The following PRKCE variants were observed in gnomAD, a reference collection of about 807,000 sequenced individuals.
The protein encoded by PRKCE is protein kinase C epsilon type.
PRKCE carries 16 observed loss-of-function variants against 85.4 expected under a neutral mutation model. The observed-to-expected ratio is 0.19, with a 90% CI of 0.13 to 0.28. The LOEUF (loss-of-function observed/expected upper bound fraction) is 0.28, where lower values mean the gene tolerates loss of function less well. Ranked by LOEUF, PRKCE falls within the 10% of genes least tolerant of loss-of-function variation. The pLI, the probability that PRKCE is intolerant of heterozygous loss-of-function variation, is 1.00. For synonymous variants in PRKCE, 388 were observed against 371.5 expected (o/e 1.04, Z -0.51); for missense variants, 573 against 975.2 (o/e 0.59, Z 5.49).
At chr2:45,835,507 C>T (rs1690784660) in intron 1 of PRKCE, among the ~76,000 whole-genome samples, 1 of 151,770 alleles carries the variant, frequency 6.6e-6, no homozygotes, top group Admixed American at 6.6e-5. Context: ...TCTAGAACAT[C>T]GTAGAAGTGG....
chr2:46,083,569 G>A (rs796790330), intron 10 of PRKCE, among the ~76,000 whole-genome samples: 8 of 152,300 alleles, frequency 5.3e-5, no homozygotes, highest in African/African-American at 1.9e-4. Flanking sequence ...AGGTGGTGTG[G>A]TTCAGTGTTC....
In PRKCE at chr2:45,971,825, A is replaced by T. The variant is rs376739938; in HGVS notation, c.413-4604A>T. Among the ~76,000 whole-genome samples the T allele has an allele frequency of 9.5e-4, 144 of 152,328 alleles. 2 individuals are homozygous for T. The highest frequency in any genetic ancestry group is 3.2e-3 in the African/African-American group (134 of 41,584). On this transcript the variant is annotated intron_variant, in intron 2 of 14. Coordinates refer to ENST00000306156, the MANE Select transcript of PRKCE (RefSeq NM_005400.3). ...TTGTGTTTTCTTTTGTGTGTATGTG[A>T]TGAATACACCATATATTTTTTTAAC...
chr2:45,817,933 C>T (rs1225015495), intron 1 of PRKCE, among the ~76,000 whole-genome samples: 1 of 152,204 alleles, frequency 6.6e-6, no homozygotes, highest in Non-Finnish European at 1.5e-5. Flanking sequence ...GCCGAGTTTC[C>T]TCCAGCTTCA....
intron 1 of PRKCE, among the ~76,000 whole-genome samples, chr2:45,805,013 A>C (rs1688139351): frequency 6.6e-6 from 1 of 151,888 alleles, no homozygotes; most frequent in African/African-American, 2.4e-5. Flanking sequence ...TGTTCTAGAA[A>C]ACCTTTCTAG....
At chr2:46,015,740 A>T (rs1282884732) in intron 10 of PRKCE, among the ~76,000 whole-genome samples, 2 of 149,840 alleles carry the variant, frequency 1.3e-5, no homozygotes, top group African/African-American at 4.9e-5. Flanking sequence ...CCATTGGTAG[A>T]TTTTGTTCTA....
chr2:45,872,212 T>C lies in PRKCE; in HGVS notation c.412+29149T>C, dbSNP rs368347209. ...TTAGGGGAACAGGGAGCCCTTTGCG[T>C]AACTCTGGAAGGAAACAAAGTCAGC... On this transcript the variant is annotated intron_variant, in intron 2 of 14. Coordinates refer to ENST00000306156, the MANE Select transcript of PRKCE (RefSeq NM_005400.3). Among the ~76,000 whole-genome samples the C allele has an allele frequency of 3.0e-4, 46 of 152,178 alleles. 1 individual carries two copies. The South Asian group carries it at 8.5e-3, about 28-fold the overall frequency.
At chr2:45,900,298 G>C (rs576020910) in intron 2 of PRKCE, among the ~76,000 whole-genome samples, 12 of 152,326 alleles carry the variant, frequency 7.9e-5, no homozygotes, top group Non-Finnish European at 1.8e-4. Flanking sequence ...GAACTGATCA[G>C]ATGGATATTT....
chr2:46,021,871 T>C (rs959818514), intron 10 of PRKCE, among the ~76,000 whole-genome samples: 5 of 152,156 alleles, frequency 3.3e-5, no homozygotes, highest in Admixed American at 2.6e-4. Context: ...GTGTTGAATT[T>C]TGATAGTGGT....
chr2:45,754,506 G>A (rs1444755735), intron 1 of PRKCE, among the ~76,000 whole-genome samples: 3 of 152,102 alleles, frequency 2.0e-5, no homozygotes, highest in Non-Finnish European at 2.9e-5. Flanking sequence ...CCTTCATTGC[G>A]GCTCTATGGA....
intron 2 of PRKCE, among the ~76,000 whole-genome samples, chr2:45,923,825 C>G (rs1362744421): frequency 6.6e-6 from 1 of 152,008 alleles, no homozygotes; most frequent in African/African-American, 2.4e-5. Flanking sequence ...GGAGGAAACT[C>G]GAGCCAGGGA....
chr2:45,795,496 G>A (rs1386506839), intron 1 of PRKCE, among the ~76,000 whole-genome samples: 1 of 152,070 alleles, frequency 6.6e-6, no homozygotes, highest in Admixed American at 6.6e-5. Flanking sequence ...TTTTAGTAGA[G>A]ATGGGGTTTC....
intron 2 of PRKCE, among the ~76,000 whole-genome samples, chr2:45,958,520 AAAAAG>A (rs1332775703): frequency 2.0e-5 from 3 of 150,094 alleles, no homozygotes; most frequent in East Asian, 2.0e-4. Flanking sequence ...AAAAAAAAAA[AAAAAG>A]AAAGAAAATC....
At chr2:45,783,995 G>A (rs1686396863) in intron 1 of PRKCE, among the ~76,000 whole-genome samples, 1 of 152,236 alleles carries the variant, frequency 6.6e-6, no homozygotes, top group South Asian at 2.1e-4. Flanking sequence ...GAGATTTCAT[G>A]TCAGTTCAGT....
Position 46,001,369 on chromosome 2 carries a change from A to T in PRKCE, c.824-35A>T. On this transcript the variant is annotated intron_variant, in intron 6 of 14. Transcript: ENST00000306156. This position sits in a 1 kb window ranked among gnomAD's most constrained non-coding sequence, Gnocchi z 4.4. ...AAAGAAGCAACATCTTAGGCCATGA[A>T]CACTTATCTGTCTTTTCTCCATGTC... The T allele has an allele frequency of 6.3e-7, 1 of 1,580,914 alleles. No homozygotes were observed. The highest frequency in any genetic ancestry group is 1.3e-5 in the African/African-American group (1 of 74,510).
In PRKCE at chr2:45,786,447, C is replaced by G. The variant is rs912274732; in HGVS notation, c.349-56553C>G. Among the ~76,000 whole-genome samples the G allele has an allele frequency of 3.3e-5, 5 of 152,198 alleles. No individual in the cohort carries two copies. Among genetic ancestry groups the G allele is most frequent in the East Asian group, 1.9e-4 (1 of 5,204 alleles). ...CTTCCGTTTCTGTACCCACCCACTC[C>G]CTCTCTTTCTGGCTGCTCCTAGTAT... On this transcript the variant is annotated intron_variant, in intron 1 of 14. Coordinates refer to ENST00000306156, the MANE Select transcript of PRKCE (RefSeq NM_005400.3). This position sits in a 1 kb window ranked among gnomAD's most constrained non-coding sequence, Gnocchi z 5.3.
chr2:45,798,130 CA>C (rs1397624827), intron 1 of PRKCE, among the ~76,000 whole-genome samples: 1 of 152,122 alleles, frequency 6.6e-6, no homozygotes. Context: ...TCAAGGAGCT[CA>C]GCAAAGTCGT....
intron 1 of PRKCE, among the ~76,000 whole-genome samples, chr2:45,839,086 C>T (rs1366508795): frequency 2.0e-5 from 3 of 151,796 alleles, no homozygotes; most frequent in African/African-American, 7.3e-5. Context: ...TAAGTTTGCT[C>T]TTACCCACCA....
intron 2 of PRKCE, among the ~76,000 whole-genome samples, chr2:45,844,451 C>T (rs1558742191): frequency 6.6e-6 from 1 of 152,160 alleles, no homozygotes; most frequent in Non-Finnish European, 1.5e-5. Context: ...ATATTTAAGA[C>T]CTACAAAAGG....
chr2:46,006,062 G>A (rs1371976090), intron 8 of PRKCE, among the ~76,000 whole-genome samples: 4 of 152,178 alleles, frequency 2.6e-5, no homozygotes, highest in African/African-American at 4.8e-5. Flanking sequence ...GGATACAGTG[G>A]CAGGATACAG....
Sources: gnomAD v4.1 joint callset for allele counts (sites outside exome capture counted in the v4.1 genomes callset) on GRCh38, gnomAD v4.1.1 for gene constraint, Gnocchi (gnomAD v3.1) non-coding constraint, MANE v1.5 for transcripts, NCBI Gene and HGNC (gene_info 2026-07-23, HGNC 2026-07-21) for gene names.